CDH13: variants seen among roughly 807,000 people sequenced by gnomAD.
The protein encoded by CDH13 is cadherin-13.
CDH13 carries 24 observed loss-of-function variants against 63.8 expected under a neutral mutation model. The observed-to-expected ratio is 0.38, with a 90% CI of 0.27 to 0.53. CDH13 has a LOEUF of 0.53. Among genes scored for constraint, CDH13 ranks in the 20% least tolerant of loss-of-function variants. CDH13 has a pLI of 0.85. For synonymous variants in CDH13, 503 were observed against 355.3 expected (o/e 1.42, Z -4.67); for missense variants, 1,049 against 903.1 (o/e 1.16, Z -2.07).
chr16:82,694,362 A>G (rs905176482), intron 1 of CDH13, among the ~76,000 whole-genome samples: 4 of 152,188 alleles, frequency 2.6e-5, no homozygotes, highest in African/African-American at 9.7e-5. Flanking sequence ...ACATTTTTTT[A>G]TGGACTGCTC....
At chr16:83,777,486 C>A (rs527618781) in intron 11 of CDH13, among the ~76,000 whole-genome samples, 3 of 152,342 alleles carry the variant, frequency 2.0e-5, no homozygotes, top group Admixed American at 2.0e-4. Context: ...CTGTGAGGTG[C>A]GGGGGCTTTC....
chr16:83,125,510 G>A lies in CDH13; in HGVS notation c.483+9G>A, dbSNP rs777518940. 12 of 1,408,634 alleles carry A rather than the reference G, an allele frequency of 8.5e-6. No individual in the cohort carries two copies. The Admixed American group carries it at 1.7e-4, about 20-fold the overall frequency. 87.3% of individuals were successfully genotyped at this position (1,408,634 alleles called of 1,614,324 possible). On this transcript the variant is annotated intron_variant, in intron 4 of 13. Coordinates refer to ENST00000567109, the MANE Select transcript of CDH13 (RefSeq NM_001257.5). The stretch of plus-strand genomic sequence containing the variant: ...CAAGAGATGTTGGCAAGGTAAGTCA[G>A]ACAAACAGCAAATGACAAAAACATG...
chr16:83,729,291 A>G (rs1054684888), intron 10 of CDH13, among the ~76,000 whole-genome samples: 2 of 152,232 alleles, frequency 1.3e-5, no homozygotes, highest in Non-Finnish European at 2.9e-5. Flanking sequence ...ATGTGTATGT[A>G]TATATAGTAA....
At chr16:82,932,382 G>A (rs901753726) in intron 2 of CDH13, among the ~76,000 whole-genome samples, 5 of 152,256 alleles carry the variant, frequency 3.3e-5, no homozygotes, top group South Asian at 2.1e-4. Context: ...GGCAACAACC[G>A]CTGAAGAGGT....
chr16:83,669,207 C>T (rs1350429994), intron 8 of CDH13, among the ~76,000 whole-genome samples: 2 of 152,140 alleles, frequency 1.3e-5, no homozygotes, highest in Admixed American at 6.5e-5. Context: ...GCGCTCCAAC[C>T]TGGCTAGAGG....
At chr16:83,364,441 C>T (rs1169693865) in intron 6 of CDH13, among the ~76,000 whole-genome samples, 1 of 152,196 alleles carries the variant, frequency 6.6e-6, no homozygotes, top group Non-Finnish European at 1.5e-5. Context: ...AAGGAGTTCT[C>T]ATTTACAGAT....
At chr16:83,216,772 A>T (rs13337306) in intron 4 of CDH13, among the ~76,000 whole-genome samples, 2,642 of 149,786 alleles carry the variant, frequency 0.018, 100 homozygotes, top group African/African-American at 0.062. Context: ...TTATATACAT[A>T]TTATATATAT....
At chr16:83,656,002 G>A (rs1049092154) in intron 8 of CDH13, among the ~76,000 whole-genome samples, 2 of 152,124 alleles carry the variant, frequency 1.3e-5, no homozygotes, top group Non-Finnish European at 2.9e-5. Context: ...TATTCTGCAT[G>A]CATGCAACCA....
chr16:83,096,694 A>T (rs1363337723), intron 3 of CDH13, among the ~76,000 whole-genome samples: 3 of 152,170 alleles, frequency 2.0e-5, no homozygotes, highest in Non-Finnish European at 4.4e-5. Context: ...GTGCAATTAT[A>T]TGTTGGGAGG....
intron 1 of CDH13, among the ~76,000 whole-genome samples, chr16:82,672,144 C>A (rs1296899383): frequency 6.6e-6 from 1 of 152,220 alleles, no homozygotes; most frequent in Non-Finnish European, 1.5e-5. Context: ...AACTTCCCAA[C>A]TGTGAGTTTG....
At chr16:82,865,480 A>G (rs932896646) in intron 2 of CDH13, among the ~76,000 whole-genome samples, 2 of 152,228 alleles carry the variant, frequency 1.3e-5, no homozygotes, top group Non-Finnish European at 2.9e-5. Context: ...ACCACGTGTA[A>G]TATGCCTAGG....
intron 7 of CDH13, among the ~76,000 whole-genome samples, chr16:83,495,811 A>C (rs1303852786): frequency 6.6e-6 from 1 of 152,138 alleles, no homozygotes; most frequent in African/African-American, 2.4e-5. Context: ...TGGGCAAGTG[A>C]AGAAAAAAGG....
At chr16:82,643,539 A>G (rs552965018) in intron 1 of CDH13, among the ~76,000 whole-genome samples, 2 of 152,338 alleles carry the variant, frequency 1.3e-5, no homozygotes, top group African/African-American at 2.4e-5. Context: ...TTCATTCATT[A>G]AAAGCAACCT....
At chr16:82,747,011 A>C (rs2034205391) in intron 1 of CDH13, among the ~76,000 whole-genome samples, 1 of 152,246 alleles carries the variant, frequency 6.6e-6, no homozygotes, top group Non-Finnish European at 1.5e-5. Flanking sequence ...TTGAATTGTT[A>C]GATTGTCTTA....
At chr16:82,776,574 A>G in intron 1 of CDH13, among the ~76,000 whole-genome samples, 1 of 152,208 alleles carries the variant, frequency 6.6e-6, no homozygotes, top group African/African-American at 2.4e-5. Flanking sequence ...TCAAATAAGA[A>G]TCTCAGTGCT....
chr16:82,695,713 A>C (rs2030203452), intron 1 of CDH13, among the ~76,000 whole-genome samples: 1 of 152,190 alleles, frequency 6.6e-6, no homozygotes, highest in African/African-American at 2.4e-5. Flanking sequence ...TTAGGTCACT[A>C]ATTGATTCTC....
At chr16:83,388,561 C>T (rs934513635) in intron 6 of CDH13, among the ~76,000 whole-genome samples, 2 of 152,168 alleles carry the variant, frequency 1.3e-5, no homozygotes, top group Admixed American at 6.5e-5. Flanking sequence ...CTGTTTGGAT[C>T]ATGGCAGCTA....
chr16:82,869,018 C>T (rs987338396), intron 2 of CDH13, among the ~76,000 whole-genome samples: 1 of 152,112 alleles, frequency 6.6e-6, no homozygotes, highest in East Asian at 1.9e-4. Flanking sequence ...AAATATTAAT[C>T]TATGTGTGAT....
At chr16:83,371,950 C>A (rs184626224) in intron 6 of CDH13, among the ~76,000 whole-genome samples, 3 of 152,132 alleles carry the variant, frequency 2.0e-5, no homozygotes, top group Admixed American at 6.5e-5. Context: ...TCCCCCGGAC[C>A]GTATATACAG....
Sources: gnomAD v4.1 joint callset for allele counts (sites outside exome capture counted in the v4.1 genomes callset) on GRCh38, gnomAD v4.1.1 for gene constraint, MANE v1.5 for transcripts, NCBI Gene and HGNC (gene_info 2026-07-23, HGNC 2026-07-21) for gene names.